Variants in RGL1 observed in about 807,000 individuals in gnomAD.
RGL1 encodes ral guanine nucleotide dissociation stimulator-like 1.
In RGL1, 24 loss-of-function variants were observed where a neutral mutation model predicts 95.2. The observed-to-expected ratio is 0.25, with a 90% CI of 0.18 to 0.35. The LOEUF is 0.35. Ranked by LOEUF, RGL1 falls within the 10% of genes least tolerant of loss-of-function variation. The probability of loss-of-function intolerance (pLI) is 1.00; values close to 1 mark genes in which losing one functional copy is unlikely to be tolerated. For missense variants in RGL1, 715 were observed against 936.3 expected (o/e 0.76, Z 3.08); for synonymous variants, 329 against 344.9 (o/e 0.95, Z 0.51).
chr1:183,710,102 C>G (rs1238493455), intron 1 of RGL1: 1 of 191,240 alleles, frequency 5.2e-6, no homozygotes. Context: ...TCCTCCAGGC[C>G]TATGTGCCAC....
chr1:183,886,698 T>C lies in RGL1; in HGVS notation c.951+1760T>C, dbSNP rs567469221. Among the ~76,000 whole-genome samples, 6 of 152,312 alleles carry C rather than the reference T, an allele frequency of 3.9e-5. No homozygotes were observed. The South Asian group carries it at 1.2e-3, about 32-fold the overall frequency. On this transcript the variant is annotated intron_variant, in intron 7 of 17. Coordinates refer to ENST00000360851, the MANE Select transcript of RGL1 (RefSeq NM_001297671.3). ...CTAATACTGAGTATGTTGTATCTTT[T>C]ACAATTGTGTAGGGAAATGTAATAA...
At chr1:183,801,119 C>T (rs1261235959), upstream of RGL1, among the ~76,000 whole-genome samples, 1 of 149,776 alleles carries the variant, frequency 6.7e-6, no homozygotes, top group Non-Finnish European at 1.5e-5. Context: ...CAATTTCTCC[C>T]CATTCTCACC....
chr1:183,827,996 A>C (rs1375831500), intron 2 of RGL1, among the ~76,000 whole-genome samples: 1 of 152,228 alleles, frequency 6.6e-6, no homozygotes, highest in Non-Finnish European at 1.5e-5. Flanking sequence ...ACTTGCAGAG[A>C]CAGTGCTTTC....
intron 1 of RGL1, among the ~76,000 whole-genome samples, chr1:183,671,099 C>A (rs781027281): frequency 3.3e-5 from 5 of 152,162 alleles, no homozygotes; most frequent in Non-Finnish European, 2.9e-5. Flanking sequence ...GGAGGAAGAG[C>A]CCCTTATAAA....
At position 183,869,083 on chromosome 1, in the gene RGL1, A is replaced by C. The variant is rs1666010788; in HGVS notation, c.425+3010A>C. On this transcript the variant is annotated intron_variant, in intron 4 of 17. Coordinates refer to ENST00000360851, the MANE Select transcript of RGL1 (RefSeq NM_001297671.3). The stretch of plus-strand genomic sequence containing the variant: ...CTGTGAGCCATGATCGTGCCACTGC[A>C]CTCCAGCCTGGGCAACAGAGTGAGT... 2.0e-5 allele frequency among the ~76,000 whole-genome samples: 3 copies of C among 152,178 alleles called. No homozygotes were observed. The South Asian group carries it at 6.2e-4, about 32-fold the overall frequency.
chr1:183,771,535 A>G (rs939207794), intron 2 of RGL1, among the ~76,000 whole-genome samples: 2 of 152,234 alleles, frequency 1.3e-5, no homozygotes, highest in African/African-American at 2.4e-5. Context: ...ATAAACAGGT[A>G]GGGGATGGGG....
intron 2 of RGL1, among the ~76,000 whole-genome samples, chr1:183,786,120 G>T (rs1033671335): frequency 1.3e-5 from 2 of 151,856 alleles, no homozygotes; most frequent in Non-Finnish European, 2.9e-5. Flanking sequence ...AAATGCTTTT[G>T]TCTAGGCACA....
intron 1 of RGL1, among the ~76,000 whole-genome samples, chr1:183,734,460 A>G (rs1656812436): frequency 6.6e-6 from 1 of 152,212 alleles, no homozygotes; most frequent in Non-Finnish European, 1.5e-5. Flanking sequence ...TATCTGGTGT[A>G]GTAAATATTG....
At chr1:183,730,782 T>C (rs140293269) in intron 1 of RGL1, among the ~76,000 whole-genome samples, 91 of 152,262 alleles carry the variant, frequency 6.0e-4, no homozygotes, top group African/African-American at 2.0e-3. Flanking sequence ...TGTTGACAGA[T>C]TTCTAGGCTG....
upstream of RGL1, among the ~76,000 whole-genome samples, chr1:183,800,351 G>C (rs1267634982): frequency 1.3e-5 from 2 of 152,082 alleles, no homozygotes; most frequent in Non-Finnish European, 1.5e-5. Context: ...GCTTGCATTT[G>C]CTCTTTATCT....
At chr1:183,739,752 C>T (rs939629486) in intron 1 of RGL1, among the ~76,000 whole-genome samples, 2 of 152,154 alleles carry the variant, frequency 1.3e-5, no homozygotes, top group Non-Finnish European at 2.9e-5. Context: ...GCTTTGGAAT[C>T]GTTTAAAACT....
At chr1:183,822,868 C>T (rs1484243860) in intron 2 of RGL1, among the ~76,000 whole-genome samples, 1 of 152,154 alleles carries the variant, frequency 6.6e-6, no homozygotes. Flanking sequence ...TTTGCAACTC[C>T]ACACTTCAGC....
intron 2 of RGL1, among the ~76,000 whole-genome samples, chr1:183,814,971 A>C (rs1329137372): frequency 6.6e-6 from 1 of 152,222 alleles, no homozygotes; most frequent in Non-Finnish European, 1.5e-5. Flanking sequence ...TGACTTTTCC[A>C]ATTAAAATTG....
chr1:183,835,204 G>A (rs148751222), intron 2 of RGL1, among the ~76,000 whole-genome samples: 5 of 133,118 alleles, frequency 3.8e-5, no homozygotes, highest in African/African-American at 1.4e-4. Context: ...CAGCTACCAG[G>A]CCTTTCTATA....
chr1:183,884,917 G>A lies in RGL1; in HGVS notation c.930G>A (p.Glu310=). 6.2e-7 allele frequency: 1 copy of A among 1,614,012 alleles called. No individual in the cohort carries two copies. The highest frequency in any genetic ancestry group is 8.5e-7 in the Non-Finnish European group (1 of 1,179,892). Residue 310 remains glutamate (E), a synonymous_variant, in exon 7 of 18, where the codon GAG becomes GAA. Transcript: ENST00000360851. ...CTCAGCAGAGAGCCAAAATCATTGA[G>A]AAGTGGATCAACATCGCTCATGTAA... The part of the protein sequence containing the change: ...LKTQQRAKII[E]KWINIAHECR...
chr1:183,897,976 C>A (rs962048450), intron 10 of RGL1, 79 bp downstream of exon 10: 6 of 1,157,826 alleles, frequency 5.2e-6, no homozygotes, highest in Admixed American at 1.9e-5. Flanking sequence ...ATGGCACTGG[C>A]ACCTTCAGTC....
At chr1:183,821,753 A>G (rs763728597) in intron 2 of RGL1, among the ~76,000 whole-genome samples, 1 of 152,142 alleles carries the variant, frequency 6.6e-6, no homozygotes, top group Non-Finnish European at 1.5e-5. Flanking sequence ...GCTCAACCCT[A>G]AAGTGTCCCT....
chr1:183,781,447 A>C (rs1172018002), intron 2 of RGL1, among the ~76,000 whole-genome samples: 3 of 152,166 alleles, frequency 2.0e-5, no homozygotes, highest in Non-Finnish European at 4.4e-5. Flanking sequence ...ATATTTATTA[A>C]GTTTTTTAAT....
intron 2 of RGL1, among the ~76,000 whole-genome samples, chr1:183,764,202 T>G (rs1253774813): frequency 6.6e-6 from 1 of 152,182 alleles, no homozygotes; most frequent in East Asian, 1.9e-4. Context: ...TAATGAGCAT[T>G]GCCAGGGAAG....
Sources: gnomAD v4.1 joint callset for allele counts (sites outside exome capture counted in the v4.1 genomes callset) on GRCh38, gnomAD v4.1.1 for gene constraint, MANE v1.5 for transcripts, NCBI Gene and HGNC (gene_info 2026-07-23, HGNC 2026-07-21) for gene names.